PTPN13: variants seen among roughly 807,000 people sequenced by gnomAD.
PTPN13 encodes protein tyrosine phosphatase non-receptor type 13.
Under a neutral mutation model 284.0 loss-of-function variants are expected in PTPN13, and 191 were observed. The observed-to-expected ratio is 0.67, with a 90% CI of 0.60 to 0.76. The LOEUF (loss-of-function observed/expected upper bound fraction) is 0.76. Ranked by LOEUF, PTPN13 falls within the 30% of genes least tolerant of loss-of-function variation. The pLI, the probability that PTPN13 is intolerant of heterozygous loss-of-function variation, is 0.00. For missense variants in PTPN13, 2,797 were observed against 2,939.9 expected, an observed-to-expected ratio of 0.95 and a Z score of 1.12; for synonymous variants, 986 against 1,022.3, an observed-to-expected ratio of 0.96 and a Z score of 0.68.
intron 3 of PTPN13, among the ~76,000 whole-genome samples, chr4:86,679,636 C>T (rs1040268836): frequency 6.6e-6 from 1 of 152,154 alleles, no homozygotes; most frequent in Non-Finnish European, 1.5e-5. Flanking sequence ...TTTTTTAACC[C>T]AGAGGTATCT....
intron 2 of PTPN13, among the ~76,000 whole-genome samples, chr4:86,657,377 C>T (rs1306003057): frequency 6.6e-6 from 1 of 152,314 alleles, no homozygotes; most frequent in Non-Finnish European, 1.5e-5. Flanking sequence ...CTCACTGCAA[C>T]TCTTGCAGAC....
At chr4:86,711,078 C>A (rs1732355597) in intron 7 of PTPN13, among the ~76,000 whole-genome samples, 2 of 131,732 alleles carry the variant, frequency 1.5e-5, no homozygotes, top group Non-Finnish European at 3.3e-5. Flanking sequence ...CATGTGCCAC[C>A]ACACCTGGTT....
chr4:86,772,669 A>T (rs139055813), intron 31 of PTPN13, 109 bp from the exon 32 acceptor site: 2 of 903,696 alleles, frequency 2.2e-6, no homozygotes, highest in African/African-American at 3.4e-5. Context: ...TAGGATCTCA[A>T]TCAAAATCAG....
chr4:86,774,507 A>G lies in PTPN13; in HGVS notation c.5484A>G (p.Leu1828=), dbSNP rs778428187. ...ATCCAGCCAAAAGTGATGGAAGGCTAAAACCTGGGGACCGGCTCATAAAGG... is the reference window on the plus strand; with the variant it reads ...ATCCAGCCAAAAGTGATGGAAGGCTGAAACCTGGGGACCGGCTCATAAAGG... The part of the protein sequence containing the change: ...IQDPAKSDGR[L]KPGDRLIKVN... Residue 1828 remains leucine (L), a synonymous_variant, in exon 33 of 48, where the codon CTA becomes CTG. Transcript: ENST00000411767. 115 of 1,603,032 alleles carry G rather than the reference A, an allele frequency of 7.2e-5. No individual in the cohort carries two copies. In the South Asian group the frequency reaches 8.3e-4, roughly 12 times the overall value.
chr4:86,791,651 C>T (rs757268692), intron 40 of PTPN13, among the ~76,000 whole-genome samples: 5 of 152,176 alleles, frequency 3.3e-5, no homozygotes, highest in Non-Finnish European at 5.9e-5. Context: ...ATGAAGCTTC[C>T]AGAGGAAGCA....
At chr4:86,813,500 C>T (rs1745460082) in intron 47 of PTPN13, among the ~76,000 whole-genome samples, 1 of 152,134 alleles carries the variant, frequency 6.6e-6, no homozygotes, top group Non-Finnish European at 1.5e-5. Flanking sequence ...GGCTGGAGCA[C>T]AGTCCGTGAT....
chr4:86,739,350 G>T (rs1195948827), intron 15 of PTPN13, among the ~76,000 whole-genome samples: 1 of 152,140 alleles, frequency 6.6e-6, no homozygotes, highest in African/African-American at 2.4e-5. Context: ...AAAGAAACAG[G>T]TTTAATGGAC....
intron 1 of PTPN13, among the ~76,000 whole-genome samples, chr4:86,597,724 CTA>C (rs1369618688): frequency 6.6e-6 from 1 of 152,196 alleles, no homozygotes; most frequent in Admixed American, 6.5e-5. Context: ...GTGACTGTCA[CTA>C]ATAGTAAGGC....
chr4:86,750,994 C>T, intron 18 of PTPN13, 33 bp from the exon 19 acceptor site: 1 of 1,565,800 alleles, frequency 6.4e-7, no homozygotes, highest in Non-Finnish European at 8.7e-7. Flanking sequence ...TTTACATTAA[C>T]ACTTCCCTCC....
chr4:86,652,120 T>C (rs1335995662), intron 2 of PTPN13, among the ~76,000 whole-genome samples: 2 of 152,088 alleles, frequency 1.3e-5, no homozygotes, highest in Non-Finnish European at 2.9e-5. Flanking sequence ...AAAAATCCAG[T>C]TTTTTTGTTT....
chr4:86,626,724 C>T (rs929980210), intron 1 of PTPN13, among the ~76,000 whole-genome samples: 1 of 152,020 alleles, frequency 6.6e-6, no homozygotes, highest in Non-Finnish European at 1.5e-5. Context: ...ATACAATTAC[C>T]ATATGATTTA....
rs566407235 is a variant in PTPN13 at position 86,661,080 on chromosome 4, C to T, written c.116-11285C>T. ...GATTAATTTTATGAATGTATGCACT[C>T]ATACAATTACCACCCAGATTCAGAG... On this transcript the variant is annotated intron_variant, in intron 2 of 47. Coordinates refer to ENST00000411767, the MANE Select transcript of PTPN13 (RefSeq NM_080683.3). 1.1e-5 allele frequency: 5 copies of T among 453,558 alleles called. No individual in the cohort carries two copies. In the East Asian group the frequency reaches 3.5e-4, roughly 32 times the overall value. The allele number at this position is 453,558 out of a possible 1,614,324, so 28.1% of individuals were successfully genotyped here.
At position 86,649,592 on chromosome 4, in the gene PTPN13, G is replaced by C. The variant is rs576615203; in HGVS notation, c.115+14221G>C. On this transcript the variant is annotated intron_variant, in intron 2 of 47. Transcript: ENST00000411767. ...TTCTTTTTCCTTTGTCTATATGTCT[G>C]TTTCTATGTTAATACCATGCTGTTT... Among the ~76,000 whole-genome samples, 38 of 152,188 alleles carry C rather than the reference G, an allele frequency of 2.5e-4. No homozygotes were observed. In the South Asian group the frequency reaches 7.7e-3, roughly 31 times the overall value.
chr4:86,735,442 G>C (rs187590023), intron 14 of PTPN13, among the ~76,000 whole-genome samples, 152 bp from the exon 15 acceptor site: 14 of 152,302 alleles, frequency 9.2e-5, no homozygotes, highest in Admixed American at 9.2e-4. Flanking sequence ...AAGAAAGACT[G>C]ATGCATTTCT....
rs1224529287 is a variant in PTPN13 at position 86,767,991 on chromosome 4, G to A, written c.4489+15G>A. ...TGTCACTGAAGGTCAGGCCTTGGGA[G>A]ACTACAATCTCACCTTTAAATTATT... On this transcript the variant is annotated intron_variant, in intron 28 of 47. Transcript: ENST00000411767. 8.8e-6 allele frequency: 14 copies of A among 1,593,950 alleles called. No individual in the cohort carries two copies. Among genetic ancestry groups the A allele is most frequent in the Non-Finnish European group, 1.1e-5 (13 of 1,173,946 alleles).
chr4:86,750,457 T>C lies in PTPN13; in HGVS notation c.2651-13T>C. 6.2e-7 allele frequency: 1 copy of C among 1,601,412 alleles called. No individual in the cohort carries two copies. Among genetic ancestry groups the C allele is most frequent in the Non-Finnish European group, 8.5e-7 (1 of 1,174,080 alleles). ...GCGTTACCATCATGTAAAGCAATCC[T>C]ATTTCCTTGTAGAGAGAGCTTCGTT... On this transcript the variant is annotated splice_polypyrimidine_tract_variant and intron_variant, in intron 17 of 47. Coordinates refer to ENST00000411767, the MANE Select transcript of PTPN13 (RefSeq NM_080683.3).
At chr4:86,655,225 T>C (rs1391373726) in intron 2 of PTPN13, among the ~76,000 whole-genome samples, 1 of 152,130 alleles carries the variant, frequency 6.6e-6, no homozygotes, top group Non-Finnish European at 1.5e-5. Flanking sequence ...TTAATTTGAG[T>C]ATTTAGCCCA....
intron 1 of PTPN13, among the ~76,000 whole-genome samples, chr4:86,626,797 G>A (rs1721889517): frequency 6.6e-6 from 1 of 152,062 alleles, no homozygotes; most frequent in African/African-American, 2.4e-5. Context: ...AGTTATATGT[G>A]GATTTTCAAC....
chr4:86,807,181 A>G (rs1744750116), intron 44 of PTPN13, among the ~76,000 whole-genome samples: 1 of 152,270 alleles, frequency 6.6e-6, no homozygotes, highest in South Asian at 2.1e-4. Flanking sequence ...TATTATTATT[A>G]TCATCATCAT....
Sources: allele counts gnomAD v4.1 joint callset (sites outside exome capture counted in the v4.1 genomes callset), GRCh38; gene constraint gnomAD v4.1.1; transcripts MANE v1.5; gene names NCBI Gene and HGNC (gene_info 2026-07-23, HGNC 2026-07-21).